Variants in RXRG observed in about 807,000 individuals in gnomAD.
RXRG encodes retinoic acid receptor RXR-gamma.
RXRG carries 19 observed loss-of-function variants against 49.2 expected under a neutral mutation model. The ratio of observed to expected loss-of-function variants is 0.39; its 90% CI spans 0.27 to 0.57. RXRG has a LOEUF of 0.57. Among genes scored for constraint, RXRG ranks in the 20% least tolerant of loss-of-function variants. The probability of loss-of-function intolerance (pLI) is 0.64; values close to 1 mark genes in which losing one functional copy is unlikely to be tolerated. For synonymous variants in RXRG, 224 were observed against 216.6 expected, an observed-to-expected ratio of 1.03 and a Z score of -0.30; for missense variants, 452 against 592.5, an observed-to-expected ratio of 0.76 and a Z score of 2.46.
intron 4 of RXRG, among the ~76,000 whole-genome samples, chr1:165,415,936 C>T (rs1392765465): frequency 6.6e-6 from 1 of 152,226 alleles, no homozygotes; most frequent in Admixed American, 6.5e-5. Flanking sequence ...AAACTCCGTT[C>T]ATCTCTGTGA....
At chr1:165,426,811 A>C (rs1212801640) in intron 2 of RXRG, among the ~76,000 whole-genome samples, 1 of 152,214 alleles carries the variant, frequency 6.6e-6, no homozygotes, top group Non-Finnish European at 1.5e-5. Flanking sequence ...GATAAGTCCC[A>C]AGATCCACAG....
intron 1 of RXRG, among the ~76,000 whole-genome samples, chr1:165,434,818 G>A (rs1257804231): frequency 6.6e-6 from 1 of 152,198 alleles, no homozygotes; most frequent in African/African-American, 2.4e-5. Flanking sequence ...TTCTTTGTCT[G>A]CAGCAAACTT....
rs1277629282 is a variant in RXRG, at chr1:165,417,057, C to T, written c.606G>A (p.Met202Ile). 1.2e-6 allele frequency: 2 copies of T among 1,613,506 alleles called. No individual in the cohort carries two copies. Among genetic ancestry groups the T allele is most frequent in the African/African-American group, 2.7e-5 (2 of 74,908 alleles). The part of the protein sequence containing the change: ...QYCRYQKCLV[M>I]GMKREAVQEE... ...GTGTCTCACCTTCCCTCTTCATGCC[C>T]ATGACAAGGCACTTCTGATAGCGAC... The change falls in exon 4 of 10, where the codon ATG becomes ATA. Residue 202 changes from methionine to isoleucine, a missense_variant. Physicochemically the swap from Met to Ile is conservative, Grantham distance 10 (BLOSUM62 1). Around this residue, in one of 2 missense-constraint regions of RXRG, gnomAD observed 286 missense variants for 440.9 expected, o/e 0.65. Coordinates refer to ENST00000359842, the MANE Select transcript of RXRG (RefSeq NM_006917.5).
At chr1:165,414,300 C>CT (rs1157497388) in intron 4 of RXRG, among the ~76,000 whole-genome samples, 1 of 152,204 alleles carries the variant, frequency 6.6e-6, no homozygotes, top group Non-Finnish European at 1.5e-5. Flanking sequence ...TTGGGTCCAA[C>CT]TTTCTATTAA....
intron 1 of RXRG, among the ~76,000 whole-genome samples, chr1:165,441,278 C>T (rs1658975597): frequency 6.6e-6 from 1 of 152,244 alleles, no homozygotes; most frequent in African/African-American, 2.4e-5. Flanking sequence ...GGCCAGTCCA[C>T]TGGGTCTGCA....
At chr1:165,424,421 G>A (rs918868472) in intron 2 of RXRG, among the ~76,000 whole-genome samples, 4 of 152,142 alleles carry the variant, frequency 2.6e-5, no homozygotes, top group Admixed American at 1.3e-4. Context: ...ATAGAGCATC[G>A]CACGTCTTGA....
chr1:165,406,247 A>C (rs1657746116), intron 9 of RXRG, among the ~76,000 whole-genome samples: 2 of 120,044 alleles, frequency 1.7e-5, no homozygotes, highest in Admixed American at 1.7e-4. Flanking sequence ...TTTCCAAATG[A>C]GGAGCCCAGA....
chr1:165,419,998 C>T lies in RXRG; in HGVS notation c.314G>A (p.Ser105Asn), dbSNP rs1253948163. The change falls in exon 3 of 10, where the codon AGT becomes AAT. Residue 105 changes from serine (S) to asparagine (N), a missense_variant. By Grantham distance (46) the Ser-to-Asn change is conservative. Around this residue, in one of 2 missense-constraint regions of RXRG, gnomAD observed 166 missense variants for 151.7 expected, o/e 1.09. Transcript: ENST00000359842. ...PPSSQLNVVN[S>N]VSSSEDIKPL... ...CTTGATGTCCTCTGAACTGCTGACA[C>T]TGTTGACCACATTTAGCTGCAAGAG... The T allele has an allele frequency of 6.2e-7, 1 of 1,603,432 alleles. No individual in the cohort carries two copies. Among genetic ancestry groups the T allele is most frequent in the African/African-American group, 1.3e-5 (1 of 74,568 alleles).
In RXRG at chr1:165,410,708, G is replaced by A. The variant is rs762349826; in HGVS notation, c.907C>T (p.Arg303Trp). ...GGCAGCCAATGTGCTTTACCTGCCC[G>A]AAGCAAAATGACCTGGTCCTCCAAG... ...LTLEDQVILL[R>W]AGWNELLIAS... Residue 303 changes from arginine (R) to tryptophan (W), a missense_variant, in exon 6 of 10, where the codon CGG (arginine) becomes TGG (tryptophan). This residue lies in a region of RXRG where 286 missense variants were observed against 440.9 expected (regional missense o/e 0.65). Coordinates refer to ENST00000359842, the MANE Select transcript of RXRG (RefSeq NM_006917.5). 5.0e-6 allele frequency: 8 copies of A among 1,613,768 alleles called. No individual in the cohort carries two copies. The highest frequency in any genetic ancestry group is 1.3e-5 in the African/African-American group (1 of 74,916).
intron 4 of RXRG, among the ~76,000 whole-genome samples, chr1:165,414,133 T>G (rs1658047581): frequency 6.6e-6 from 1 of 152,234 alleles, no homozygotes; most frequent in Non-Finnish European, 1.5e-5. Context: ...GCGGAGGAAT[T>G]GATTCACTTC....
At chr1:165,433,392 G>A (rs1048988716) in intron 1 of RXRG, among the ~76,000 whole-genome samples, 7 of 152,094 alleles carry the variant, frequency 4.6e-5, no homozygotes, top group African/African-American at 1.4e-4. Flanking sequence ...CCCTGGCCCC[G>A]CCATCTCATC....
chr1:165,413,141 T>C (rs1032049742), intron 4 of RXRG, among the ~76,000 whole-genome samples: 3 of 152,230 alleles, frequency 2.0e-5, no homozygotes, highest in African/African-American at 7.2e-5. Context: ...GTGCCTTAAG[T>C]CTTCCTGTCA....
At chr1:165,412,965 C>G (rs1047093903) in intron 4 of RXRG, among the ~76,000 whole-genome samples, 4 of 152,190 alleles carry the variant, frequency 2.6e-5, no homozygotes, top group African/African-American at 4.8e-5. Flanking sequence ...GGAAAGCAAA[C>G]TAAGTTAAGT....
intron 8 of RXRG, among the ~76,000 whole-genome samples, chr1:165,407,612 A>C (rs1185078374): frequency 6.6e-6 from 1 of 152,174 alleles, no homozygotes; most frequent in African/African-American, 2.4e-5. Flanking sequence ...TCACAGCCTT[A>C]CACAGGCAGA....
At chr1:165,415,926 A>G (rs532384958) in intron 4 of RXRG, among the ~76,000 whole-genome samples, 1 of 152,318 alleles carries the variant, frequency 6.6e-6, no homozygotes, top group East Asian at 1.9e-4. Context: ...GCACCTCAGG[A>G]AACTCCGTTC....
At chr1:165,429,647 G>T (rs570495977) in intron 1 of RXRG, among the ~76,000 whole-genome samples, 8 of 152,264 alleles carry the variant, frequency 5.3e-5, no homozygotes, top group African/African-American at 7.2e-5. Flanking sequence ...TTAGCACTCA[G>T]GGGAGAAGAC....
chr1:165,439,301 G>A (rs1658908615), intron 1 of RXRG, among the ~76,000 whole-genome samples: 1 of 150,992 alleles, frequency 6.6e-6, no homozygotes, highest in Non-Finnish European at 1.5e-5. Context: ...GTGGGAGCGA[G>A]GGGAGGAGGG....
chr1:165,408,333 C>T lies in RXRG; in HGVS notation c.1047-15G>A. The T allele has an allele frequency of 1.9e-6, 3 of 1,581,018 alleles. No homozygotes were observed. The highest frequency in any genetic ancestry group is 2.6e-6 in the Non-Finnish European group (3 of 1,149,452). On this transcript the variant is annotated splice_polypyrimidine_tract_variant and intron_variant, in intron 7 of 9. Coordinates refer to ENST00000359842, the MANE Select transcript of RXRG (RefSeq NM_006917.5). ...CAGTTAGGACTCTGTTAACAGGAAA[C>T]AAGCAGGTAATGAGAAAACCGTAAG...
chr1:165,417,266 T>C (rs911642212), intron 3 of RXRG, 46 bp from the exon 4 acceptor site: 1 of 1,533,112 alleles, frequency 6.5e-7, no homozygotes. Context: ...TTGTGTTTAT[T>C]TGGATCTTTC....
Sources: gnomAD v4.1 joint callset for allele counts (sites outside exome capture counted in the v4.1 genomes callset) on GRCh38, gnomAD v4.1.1 for gene constraint, gnomAD v4.1.1 regional missense constraint, MANE v1.5 for transcripts, NCBI Gene and HGNC (gene_info 2026-07-23, HGNC 2026-07-21) for gene names.